LDLRAD3: variants seen among roughly 807,000 people sequenced by gnomAD.
LDLRAD3 encodes the protein low-density lipoprotein receptor class A domain-containing protein 3.
Under a neutral mutation model 29.4 loss-of-function variants are expected in LDLRAD3, and 20 were observed. That is an observed-to-expected ratio of 0.68 (90% CI 0.48 to 0.99). The LOEUF is 0.99. LDLRAD3 is among the 50% of genes least tolerant of loss of function. The pLI is 0.00. For missense variants in LDLRAD3, 420 were observed against 454.3 expected (o/e 0.92, Z 0.69); for synonymous variants, 157 against 192.7 (o/e 0.81, Z 1.53).
intron 1 of LDLRAD3, among the ~76,000 whole-genome samples, chr11:36,022,300 T>G (rs1356831048): frequency 6.6e-6 from 1 of 152,208 alleles, no homozygotes; most frequent in Non-Finnish European, 1.5e-5. Flanking sequence ...AGTCTTTATA[T>G]CATAGTAATT....
intron 4 of LDLRAD3, among the ~76,000 whole-genome samples, chr11:36,180,078 C>G (rs1248968968): frequency 6.6e-6 from 1 of 152,208 alleles, no homozygotes; most frequent in East Asian, 1.9e-4. Context: ...GATGCTGTGT[C>G]AGTTTTCTTC....
chr11:36,155,246 TC>T (rs1198650955), intron 4 of LDLRAD3, among the ~76,000 whole-genome samples: 2 of 152,202 alleles, frequency 1.3e-5, no homozygotes, highest in African/African-American at 2.4e-5. Context: ...TTTTCTTTCT[TC>T]AGCAGCTCTT....
intron 1 of LDLRAD3, among the ~76,000 whole-genome samples, chr11:35,999,123 A>C (rs1301545710): frequency 1.3e-5 from 2 of 152,322 alleles, no homozygotes; most frequent in East Asian, 1.9e-4. Context: ...TACTGTGTGC[A>C]AAAAGCCCTG....
Position 36,231,288 on chromosome 11 carries a change from G to A in LDLRAD3, c.*1891G>A, listed in dbSNP as rs1269333579. The stretch of plus-strand genomic sequence containing the variant: ...AAGCTAGCCACTGGTATTTTGTTTT[G>A]TTTAAAAAAAAAAAGAAAGAAAGAA... On this transcript the variant is annotated 3_prime_UTR_variant, in exon 6 of 6. Transcript: ENST00000315571. 1 of 149,192 alleles carries A rather than the reference G, an allele frequency of 6.7e-6. No homozygotes were observed. The highest frequency in any genetic ancestry group is 1.5e-5 in the Non-Finnish European group (1 of 67,464). The allele number at this position is 149,192 out of a possible 1,614,324, so 9.2% of individuals were successfully genotyped here.
At chr11:36,050,380 T>C (rs1037953109) in intron 2 of LDLRAD3, among the ~76,000 whole-genome samples, 7 of 152,312 alleles carry the variant, frequency 4.6e-5, no homozygotes, top group African/African-American at 1.4e-4. Flanking sequence ...AGACCACATA[T>C]TCAGATTGTT....
At chr11:35,995,300 A>G (rs976024195) in intron 1 of LDLRAD3, among the ~76,000 whole-genome samples, 1 of 152,242 alleles carries the variant, frequency 6.6e-6, no homozygotes, top group Non-Finnish European at 1.5e-5. Context: ...AATGTCTCCA[A>G]CAGAGCTTGT....
At chr11:36,097,122 C>T (rs994482676) in intron 3 of LDLRAD3, among the ~76,000 whole-genome samples, 2 of 152,198 alleles carry the variant, frequency 1.3e-5, no homozygotes, top group African/African-American at 4.8e-5. Flanking sequence ...CCAGATCTGT[C>T]ATTTCTTTTG....
intron 1 of LDLRAD3, among the ~76,000 whole-genome samples, chr11:36,011,065 A>G (rs1295520539): frequency 6.6e-6 from 1 of 152,178 alleles, no homozygotes; most frequent in African/African-American, 2.4e-5. Flanking sequence ...TTGGCCTCCC[A>G]AAGTGCTGCA....
At chr11:35,983,140 C>T (rs948032719) in intron 1 of LDLRAD3, among the ~76,000 whole-genome samples, 1 of 152,200 alleles carries the variant, frequency 6.6e-6, no homozygotes, top group Non-Finnish European at 1.5e-5. Context: ...AGGCGTGAGC[C>T]ACCGCTCCTG....
intron 4 of LDLRAD3, among the ~76,000 whole-genome samples, chr11:36,168,206 A>ATTTTCTTTAAAT (rs1165861997): frequency 6.6e-6 from 1 of 152,156 alleles, no homozygotes. Context: ...TTTCATTAAC[A>ATTTTCTTTAAAT]TTTTCTTTAA....
At chr11:35,953,723 A>G (rs893289883) in intron 1 of LDLRAD3, among the ~76,000 whole-genome samples, 1 of 152,208 alleles carries the variant, frequency 6.6e-6, no homozygotes, top group African/African-American at 2.4e-5. Flanking sequence ...TATAAAAATA[A>G]AATTGGGGGA....
chr11:36,112,289 A>G (rs1465012510), intron 4 of LDLRAD3, among the ~76,000 whole-genome samples: 1 of 152,210 alleles, frequency 6.6e-6, no homozygotes, highest in South Asian at 2.1e-4. Flanking sequence ...GAGAATTCCT[A>G]TGAGCTGCTT....
chr11:36,001,402 A>G (rs911379638), intron 1 of LDLRAD3, among the ~76,000 whole-genome samples: 2 of 152,200 alleles, frequency 1.3e-5, no homozygotes, highest in African/African-American at 4.8e-5. Context: ...ATATTTCCAA[A>G]GTACAAACTA....
intron 4 of LDLRAD3, among the ~76,000 whole-genome samples, chr11:36,200,361 G>C (rs115114375): frequency 1.3e-5 from 2 of 152,130 alleles, no homozygotes; most frequent in East Asian, 3.9e-4. Flanking sequence ...CTTCACTGGG[G>C]CGCTAATCCT....
At chr11:35,954,300 C>A (rs1430341404) in intron 1 of LDLRAD3, among the ~76,000 whole-genome samples, 1 of 152,118 alleles carries the variant, frequency 6.6e-6, no homozygotes, top group Non-Finnish European at 1.5e-5. Flanking sequence ...TGAAGGGCAA[C>A]GTCAACATCT....
intron 1 of LDLRAD3, among the ~76,000 whole-genome samples, chr11:35,953,542 G>C: frequency 6.6e-6 from 1 of 152,126 alleles, no homozygotes; most frequent in Non-Finnish European, 1.5e-5. Context: ...GGCATTACTG[G>C]AACATTTTCC....
intron 3 of LDLRAD3, among the ~76,000 whole-genome samples, chr11:36,089,963 A>G (rs1408182584): frequency 2.0e-5 from 3 of 152,042 alleles, no homozygotes; most frequent in Non-Finnish European, 4.4e-5. Context: ...CCCACATGCT[A>G]TTTTCCATGC....
intron 4 of LDLRAD3, among the ~76,000 whole-genome samples, chr11:36,141,138 G>A (rs1360869456): frequency 6.6e-6 from 1 of 151,968 alleles, no homozygotes; most frequent in Non-Finnish European, 1.5e-5. Context: ...GCTGTCATGG[G>A]GATTCGATGG....
At chr11:36,227,545 A>G (rs903688870) in intron 5 of LDLRAD3, 115 bp downstream of exon 5, 1 of 725,164 alleles carries the variant, frequency 1.4e-6, no homozygotes, top group African/African-American at 1.8e-5. Flanking sequence ...CAGCTGCTAT[A>G]GGCAGTGGCA....
Sources: allele counts gnomAD v4.1 joint callset (sites outside exome capture counted in the v4.1 genomes callset), GRCh38; gene constraint gnomAD v4.1.1; transcripts MANE v1.5; gene names NCBI Gene and HGNC (gene_info 2026-07-23, HGNC 2026-07-21).